RECQL5: variants seen among roughly 807,000 people sequenced by gnomAD.
RECQL5 encodes ATP-dependent DNA helicase Q5.
Under a neutral mutation model 103.4 loss-of-function variants are expected in RECQL5, and 88 were observed. The observed-to-expected ratio is 0.85, with a 90% CI of 0.72 to 1.02. RECQL5 has a LOEUF of 1.02. Among genes scored for constraint, RECQL5 ranks in the 50% least tolerant of loss-of-function variants. The pLI, the probability that RECQL5 is intolerant of heterozygous loss-of-function variation, is 0.00. For synonymous variants in RECQL5, 552 were observed against 507.9 expected (o/e 1.09, Z -1.17); for missense variants, 1,232 against 1,284.3 (o/e 0.96, Z 0.62).
chr17:75,647,417 C>A lies in RECQL5; in HGVS notation c.1229+3769G>T. 1.3e-6 allele frequency: 2 copies of A among 1,549,836 alleles called. 1 individual carries two copies. Among genetic ancestry groups the A allele is most frequent in the South Asian group, 2.4e-5 (2 of 83,974 alleles). ...TTCAAAGAGACAATCTGGAATGATG[C>A]GTTCTGGCAGAACCCCTGGGACCAG... On this transcript the variant is annotated intron_variant, in intron 8 of 19. Coordinates refer to ENST00000317905, the MANE Select transcript of RECQL5 (RefSeq NM_004259.7).
chr17:75,630,837 T>A lies in RECQL5; in HGVS notation c.1586A>T (p.Asp529Val). 1.9e-6 allele frequency: 2 copies of A among 1,078,722 alleles called. No homozygotes were observed. Among genetic ancestry groups the A allele is most frequent in the Non-Finnish European group, 2.4e-6 (2 of 819,090 alleles). 66.8% of individuals were successfully genotyped at this position (1,078,722 alleles called of 1,614,324 possible). Residue 529 changes from aspartate to valine, a missense_variant and splice_region_variant, in exon 12 of 20, where the codon GAT becomes GTT. Transcript: ENST00000317905. ...DPKIEEFVPPDENCPLKEASS... is the reference protein window; with the variant it reads ...DPKIEEFVPPVENCPLKEASS... ...AGCCTCTTTCAGGGGACAGTTCTCA[T>A]CTGTGGGGGGGGGGGGTGGTCCTTG...
At position 75,630,608 on chromosome 17, in the gene RECQL5, G is replaced by A. The variant is rs376096746; in HGVS notation, c.1718+11C>T. The A allele has an allele frequency of 8.1e-6, 13 of 1,613,130 alleles. No homozygotes were observed. Among genetic ancestry groups the A allele is most frequent in the East Asian group, 2.2e-5 (1 of 44,894 alleles). On this transcript the variant is annotated intron_variant, in intron 13 of 19. Coordinates refer to ENST00000317905, the MANE Select transcript of RECQL5 (RefSeq NM_004259.7). The stretch of plus-strand genomic sequence containing the variant: ...TGGAGTGCTCCTCAGCCCAGTGATC[G>A]TGGAACTCACTCATCAGCGGTACGT...
chr17:75,629,780 C>G lies in RECQL5; in HGVS notation c.1875G>C (p.Lys625Asn), dbSNP rs1281852689. The change falls in exon 15 of 20, where the codon AAG (lysine) becomes AAC (asparagine). Residue 625 changes from lysine to asparagine, a missense_variant. Lys to Asn is a moderately conservative substitution (Grantham distance 94). Transcript: ENST00000317905. ...GQPYDMGGSAKSCSAQAEPPE... is the reference protein window; with the variant it reads ...GQPYDMGGSANSCSAQAEPPE... ...GGGGCTCAGCTTGGGCACTGCAGCT[C>G]TTGGCACTGCCTCCCATGTCATAGG... 1.5e-5 allele frequency: 24 copies of G among 1,613,542 alleles called. No individual in the cohort carries two copies. The highest frequency in any genetic ancestry group is 1.8e-5 in the Non-Finnish European group (21 of 1,179,826).
intron 8 of RECQL5, chr17:75,649,484 C>T (rs935077044): frequency 1.3e-4 from 34 of 270,600 alleles, no homozygotes; most frequent in Non-Finnish European, 1.7e-4. Flanking sequence ...CTACAGCTTC[C>T]TTTGCAGAAA....
chr17:75,658,352 C>G lies in RECQL5; in HGVS notation c.1095G>C (p.Arg365Ser). 2 of 1,614,058 alleles carry G rather than the reference C, an allele frequency of 1.2e-6. No individual in the cohort carries two copies. Among genetic ancestry groups the G allele is most frequent in the Non-Finnish European group, 1.7e-6 (2 of 1,179,980 alleles). The change falls in exon 7 of 20, where the codon AGG becomes AGC. Residue 365 changes from arginine to serine, a missense_variant. Transcript: ENST00000317905. ...KPSWCRLYYS[R>S]NDRDQVSFLI... ...GGAAGCTGACTTGGTCCCGGTCATT[C>G]CTGGAGTAATAGAGACGGCACCAGG...
chr17:75,630,581 C>T, intron 13 of RECQL5, 38 bp downstream of exon 13: 1 of 1,606,912 alleles, frequency 6.2e-7, no homozygotes. Context: ...GGAACGAGAG[C>T]TTGGAGTGCT....
chr17:75,641,534 G>A (rs1345102431), intron 8 of RECQL5: 1 of 152,668 alleles, frequency 6.6e-6, no homozygotes, highest in African/African-American at 2.4e-5. Context: ...ACGCAGAGAA[G>A]CATGCCACAC....
chr17:75,656,679 T>C (rs1365234312), intron 7 of RECQL5, among the ~76,000 whole-genome samples: 1 of 152,046 alleles, frequency 6.6e-6, no homozygotes, highest in Non-Finnish European at 1.5e-5. Flanking sequence ...CATTTCTACC[T>C]GCTGTTGTCT....
At chr17:75,649,903 C>A (rs866098512) in intron 8 of RECQL5, 1 of 985,564 alleles carries the variant, frequency 1.0e-6, no homozygotes, top group East Asian at 1.1e-4. Flanking sequence ...CCCAGCTCCC[C>A]GGAAGGTGAC....
rs1432731002 is a variant in RECQL5 at position 75,628,325 on chromosome 17, G to A, written c.2698C>T (p.Gln900Ter). 16 of 1,614,056 alleles carry A rather than the reference G, an allele frequency of 9.9e-6. No homozygotes were observed. Among genetic ancestry groups the A allele is most frequent in the Non-Finnish European group, 1.4e-5 (16 of 1,180,048 alleles). Residue 900 changes from glutamine (Q) to a stop codon, truncating the protein, a stop_gained, in exon 18 of 20, where the codon CAA (glutamine) becomes TAA (stop). Coordinates refer to ENST00000317905, the MANE Select transcript of RECQL5 (RefSeq NM_004259.7). LOFTEE classifies it high-confidence loss of function. ...GGAGCGGAGAGCTGGAAGGGGTCTTGAGCCGTGGGATTCAAGGTGCCCTGT... is the reference window on the plus strand; with the variant it reads ...GGAGCGGAGAGCTGGAAGGGGTCTTAAGCCGTGGGATTCAAGGTGCCCTGT... ...SEQGTLNPTA[Q>*]DPFQLSAPGV...
At chr17:75,647,294 C>A (rs546379892) in intron 8 of RECQL5, 2 of 1,280,118 alleles carry the variant, frequency 1.6e-6, no homozygotes, top group Non-Finnish European at 1.1e-6. Context: ...AGGCTGGAGT[C>A]GGCGGGCAGA....
chr17:75,627,836 G>T (rs888225550), intron 18 of RECQL5, 144 bp from the exon 19 acceptor site: 3 of 695,624 alleles, frequency 4.3e-6, no homozygotes, highest in Non-Finnish European at 7.2e-6. Flanking sequence ...TGGCTAACAC[G>T]GTGAAACCCT....
chr17:75,665,689 CAAAAAAAAAAAAA>C (rs1184942786), intron 2 of RECQL5, among the ~76,000 whole-genome samples: 4 of 63,400 alleles, frequency 6.3e-5, no homozygotes, highest in Admixed American at 5.2e-4. Flanking sequence ...GACTCTGTTT[CAAAAAAAAAAAAA>C]AAAAAAAAGA....
chr17:75,647,317 G>C, intron 8 of RECQL5: 1 of 1,458,906 alleles, frequency 6.9e-7, no homozygotes, highest in Non-Finnish European at 9.2e-7. Context: ...ATAGCACCTG[G>C]GACAGGGCCT....
Position 75,666,508 on chromosome 17 carries a change from C to T in RECQL5, c.50G>A (p.Arg17Gln), listed in dbSNP as rs767761106. ...CCCAAAGACCTTCTTCAGCGTACTC[C>T]GGACTCGCCGCTCAGGGTCAAAAGG... ...TFPFDPERRV[R>Q]STLKKVFGFD... Residue 17 changes from arginine (R) to glutamine (Q), a missense_variant, in exon 2 of 20, where the codon CGG becomes CAG. Coordinates refer to ENST00000317905, the MANE Select transcript of RECQL5 (RefSeq NM_004259.7). 5.5e-5 allele frequency: 88 copies of T among 1,614,136 alleles called. No individual in the cohort carries two copies. In the Middle Eastern group the frequency reaches 1.3e-3, roughly 24 times the overall value.
At chr17:75,650,062 A>G (rs1243444282) in intron 8 of RECQL5, 2 of 985,696 alleles carry the variant, frequency 2.0e-6, no homozygotes, top group East Asian at 2.3e-4. Flanking sequence ...CAGGACTCAC[A>G]ATGAACAGGA....
chr17:75,653,470 G>C (rs1462044227), intron 7 of RECQL5, among the ~76,000 whole-genome samples: 1 of 152,222 alleles, frequency 6.6e-6, no homozygotes. Context: ...CCTGTCTATG[G>C]ACTTGTGGCT....
At chr17:75,651,040 C>G in intron 8 of RECQL5, 146 bp downstream of exon 8, 1 of 1,555,984 alleles carries the variant, frequency 6.4e-7, no homozygotes, top group Non-Finnish European at 8.6e-7. Context: ...GTCCTGACTT[C>G]CACACTGCCC....
At position 75,650,629 on chromosome 17, in the gene RECQL5, C is replaced by T. The variant is rs757480885; in HGVS notation, c.1229+557G>A. 4 of 1,612,832 alleles carry T rather than the reference C, an allele frequency of 2.5e-6. 1 individual carries two copies. The African/African-American group carries it at 5.3e-5, about 22-fold the overall frequency. On this transcript the variant is annotated intron_variant, in intron 8 of 19. Coordinates refer to ENST00000317905, the MANE Select transcript of RECQL5 (RefSeq NM_004259.7). ...GTAAAAACTCCTCCTGGGTGTCTCT[C>T]CTGCAGGCACTCACAGCTCCGCATG...
Sources: allele counts gnomAD v4.1 joint callset (sites outside exome capture counted in the v4.1 genomes callset), GRCh38; gene constraint gnomAD v4.1.1; transcripts MANE v1.5; gene names NCBI Gene and HGNC (gene_info 2026-07-23, HGNC 2026-07-21).